SLC6A15: variants seen among roughly 807,000 people sequenced by gnomAD.
SLC6A15 encodes the protein sodium-dependent neutral amino acid transporter B(0)AT2.
Under a neutral mutation model 68.5 loss-of-function variants are expected in SLC6A15, and 33 were observed. The observed-to-expected ratio is 0.48, with a 90% CI of 0.37 to 0.64. The LOEUF (loss-of-function observed/expected upper bound fraction) is 0.64. Among genes scored for constraint, SLC6A15 ranks in the 30% least tolerant of loss-of-function variants. SLC6A15 has a pLI of 0.00. For missense variants in SLC6A15, 747 were observed against 874.3 expected, an observed-to-expected ratio of 0.85 and a Z score of 1.84; for synonymous variants, 347 against 301.0, an observed-to-expected ratio of 1.15 and a Z score of -1.58.
Position 84,863,420 on chromosome 12 carries a change from T to C in SLC6A15, c.1818+19A>G. 6.5e-7 allele frequency: 1 copy of C among 1,530,866 alleles called. No homozygotes were observed. Among genetic ancestry groups the C allele is most frequent in the Non-Finnish European group, 8.7e-7 (1 of 1,148,414 alleles). 94.8% of individuals were successfully genotyped at this position (1,530,866 alleles called of 1,614,324 possible). A position where few individuals can be genotyped will look rare whatever the true frequency, so the allele number is the denominator to read the frequency against. ...TTTATATATCTTTTAAAAATGTAATTCCCTTATTTTGTATTTACCTTATCT... is the reference window on the plus strand; with the variant it reads ...TTTATATATCTTTTAAAAATGTAATCCCCTTATTTTGTATTTACCTTATCT... On this transcript the variant is annotated intron_variant, in intron 11 of 11. Transcript: ENST00000266682.
intron 1 of SLC6A15, among the ~76,000 whole-genome samples, chr12:84,898,871 T>C (rs1872737035): frequency 2.6e-5 from 4 of 152,356 alleles, no homozygotes; most frequent in Middle Eastern, 3.4e-3. Flanking sequence ...ATCTCCTTTA[T>C]ATTTAGTGGC....
chr12:84,910,605 G>A (rs190104767), intron 1 of SLC6A15, among the ~76,000 whole-genome samples: 3 of 152,308 alleles, frequency 2.0e-5, no homozygotes. Context: ...GAAACATCCC[G>A]TCTAACCAAC....
At chr12:84,878,945 A>AT (rs1871689457) in intron 5 of SLC6A15, among the ~76,000 whole-genome samples, 2 of 151,800 alleles carry the variant, frequency 1.3e-5, no homozygotes, top group Non-Finnish European at 2.9e-5. Flanking sequence ...CCAGAAATCC[A>AT]TTTTTCACAG....
chr12:84,872,989 T>G (rs1171535058), intron 7 of SLC6A15, 98 bp downstream of exon 7: 2 of 1,410,478 alleles, frequency 1.4e-6, no homozygotes, highest in African/African-American at 2.9e-5. Flanking sequence ...AACTATCACA[T>G]GTATCTCATA....
chr12:84,881,998 T>A, intron 5 of SLC6A15: 1 of 979,146 alleles, frequency 1.0e-6, no homozygotes, highest in Non-Finnish European at 1.2e-6. Flanking sequence ...TAAATGTATG[T>A]ACTAAATAAA....
intron 1 of SLC6A15, among the ~76,000 whole-genome samples, chr12:84,895,598 C>T (rs181987639): frequency 6.3e-4 from 95 of 151,972 alleles, no homozygotes; most frequent in Non-Finnish European, 9.0e-4. Flanking sequence ...CCACCCACCT[C>T]GGCCTCCCAA....
At chr12:84,867,399 C>A (rs1440806159) in intron 9 of SLC6A15, 1 of 329,148 alleles carries the variant, frequency 3.0e-6, no homozygotes, top group African/African-American at 2.1e-5. Context: ...CAAATTTATT[C>A]TAAGACAGTA....
At chr12:84,911,471 C>T (rs1873457078) in intron 1 of SLC6A15, among the ~76,000 whole-genome samples, 1 of 152,144 alleles carries the variant, frequency 6.6e-6, no homozygotes, top group Admixed American at 6.6e-5. Context: ...CCAGCCTTTC[C>T]CAGCTAGGGA....
At chr12:84,870,941 G>T (rs1322823564) in intron 8 of SLC6A15, among the ~76,000 whole-genome samples, 1 of 151,938 alleles carries the variant, frequency 6.6e-6, no homozygotes, top group Non-Finnish European at 1.5e-5. Context: ...ATTTCACAAG[G>T]CTCCTAGAAT....
intron 1 of SLC6A15, among the ~76,000 whole-genome samples, chr12:84,900,742 C>T (rs981773697): frequency 4.0e-5 from 6 of 151,384 alleles, no homozygotes; most frequent in South Asian, 2.1e-4. Context: ...GTATCACATT[C>T]GTTGCTTTTC....
At chr12:84,883,641 A>G (rs1871932551) in intron 5 of SLC6A15, 1 of 1,451,522 alleles carries the variant, frequency 6.9e-7, no homozygotes, top group Admixed American at 2.6e-5. Context: ...ATAAGGAAAG[A>G]TTATAATTAA....
At chr12:84,872,514 A>T in intron 8 of SLC6A15, 88 bp downstream of exon 8, 1 of 1,056,686 alleles carries the variant, frequency 9.5e-7, no homozygotes, top group Non-Finnish European at 1.3e-6. Context: ...CGGGCATTTT[A>T]AGGCCCTTTT....
rs973066683 is a variant in SLC6A15, at chr12:84,859,506, T to C, written c.*2126A>G. 6.6e-6 allele frequency: 1 copy of C among 151,932 alleles called. No homozygotes were observed. The highest frequency in any genetic ancestry group is 2.4e-5 in the African/African-American group (1 of 41,418). 9.4% of individuals were successfully genotyped at this position (151,932 alleles called of 1,614,324 possible). On this transcript the variant is annotated 3_prime_UTR_variant, in exon 12 of 12. Transcript: ENST00000266682. ...CAGCATATTGTACACCTTAGATATATACTTTATTTGCTTTCACTATATTTA... is the reference window on the plus strand; with the variant it reads ...CAGCATATTGTACACCTTAGATATACACTTTATTTGCTTTCACTATATTTA...
intron 2 of SLC6A15, among the ~76,000 whole-genome samples, chr12:84,888,989 G>A (rs1872251634): frequency 6.6e-6 from 1 of 152,050 alleles, no homozygotes. Flanking sequence ...ACCTAGAAAG[G>A]TCATCTTCTC....
chr12:84,907,859 G>A (rs1873240545), intron 1 of SLC6A15, among the ~76,000 whole-genome samples: 1 of 152,072 alleles, frequency 6.6e-6, no homozygotes, highest in African/African-American at 2.4e-5. Context: ...CTACTATTTA[G>A]CAAAAACTAC....
intron 9 of SLC6A15, chr12:84,867,948 AG>A (rs1871129528): frequency 1.3e-5 from 2 of 152,194 alleles, no homozygotes; most frequent in Non-Finnish European, 2.9e-5. Context: ...TATTTTTGTT[AG>A]ACTCTGTTCT....
intron 6 of SLC6A15, chr12:84,874,670 C>T (rs1871434867): frequency 6.6e-6 from 1 of 152,098 alleles, no homozygotes; most frequent in Non-Finnish European, 1.5e-5. Context: ...AACATATGCA[C>T]ATTGTTTACT....
intron 9 of SLC6A15, among the ~76,000 whole-genome samples, chr12:84,869,462 C>CT (rs1871198193): frequency 1.5e-5 from 1 of 64,696 alleles, no homozygotes; most frequent in Admixed American, 1.8e-4. Context: ...AAGACTCCGT[C>CT]TCAAAAAAAA....
intron 9 of SLC6A15, among the ~76,000 whole-genome samples, chr12:84,868,334 G>A (rs61928638): frequency 0.18 from 27,373 of 152,016 alleles, 3,142 homozygotes; most frequent in African/African-American, 0.32. Context: ...TAATTTTTAT[G>A]ACATCCCAGT....
Sources: gnomAD v4.1 joint callset for allele counts (sites outside exome capture counted in the v4.1 genomes callset) on GRCh38, gnomAD v4.1.1 for gene constraint, MANE v1.5 for transcripts, NCBI Gene and HGNC (gene_info 2026-07-23, HGNC 2026-07-21) for gene names.